Variants in RP1L1 observed in about 807,000 individuals in gnomAD.
The protein encoded by RP1L1 is retinitis pigmentosa 1-like 1 protein.
RP1L1 carries 27 observed loss-of-function variants against 15.7 expected under a neutral mutation model. The observed-to-expected ratio is 1.72, with a 90% CI of 1.27 to 2.38. The LOEUF (loss-of-function observed/expected upper bound fraction) is 2.38. Ranked by LOEUF, RP1L1 falls within the 30% of genes most tolerant of loss-of-function variation. RP1L1 has a pLI of 0.00. For synonymous variants in RP1L1, 1,813 were observed against 1,276.7 expected (o/e 1.42, Z -8.96); for missense variants, 4,798 against 3,075.9 (o/e 1.56, Z -13.24).
At chr8:10,635,412 C>T (rs2117248555) in intron 1 of RP1L1, among the ~76,000 whole-genome samples, 1 of 152,352 alleles carries the variant, frequency 6.6e-6, no homozygotes, top group Admixed American at 6.5e-5. Context: ...GATCCAACGC[C>T]TCATGCACTT....
At chr8:10,634,056 A>T (rs1286936992) in intron 1 of RP1L1, among the ~76,000 whole-genome samples, 1 of 152,154 alleles carries the variant, frequency 6.6e-6, no homozygotes, top group Non-Finnish European at 1.5e-5. Context: ...CTCAGCTCCT[A>T]CAACAAGGCA....
chr8:10,609,836 G>C lies in RP1L1; in HGVS notation c.4262C>G (p.Ser1421Cys). The change falls in exon 4 of 4, where the codon TCC (serine) becomes TGC (cysteine). Residue 1421 changes from serine to cysteine, a missense_variant. Physicochemically the swap from Ser to Cys is moderately radical, Grantham distance 112 (BLOSUM62 -1). Coordinates refer to ENST00000382483, the MANE Select transcript of RP1L1 (RefSeq NM_178857.6). The stretch of plus-strand genomic sequence containing the variant: ...CTCCTGGACTGGGTCATCTTCCTGG[G>C]AGCCTTTCCCATCCGGAGAGCTGGC... ...SEASSPDGKG[S>C]QEDDPVQEEE... 2.5e-6 allele frequency: 4 copies of C among 1,614,114 alleles called. No individual in the cohort carries two copies. In the East Asian group the frequency reaches 8.9e-5, roughly 36 times the overall value.
Position 10,610,472 on chromosome 8 carries a change from C to G in RP1L1, c.3626G>C (p.Gly1209Ala), listed in dbSNP as rs773704226. The G allele has an allele frequency of 3.7e-6, 6 of 1,613,774 alleles. No individual in the cohort carries two copies. The highest frequency in any genetic ancestry group is 1.3e-5 in the African/African-American group (1 of 75,052). The change falls in exon 4 of 4, where the codon GGC (glycine) becomes GCC (alanine). Residue 1209 changes from glycine to alanine, a missense_variant. Coordinates refer to ENST00000382483, the MANE Select transcript of RP1L1 (RefSeq NM_178857.6). ...ACAGGGTACGCTACTCTCCCCTGAG[C>G]CTCCAGAGCCGCTGCTGATGTCCAC... ...SGVDISSGSG[G>A]SGESSVPCAM...
chr8:10,617,886 T>C (rs912835505), intron 2 of RP1L1, among the ~76,000 whole-genome samples: 2 of 152,176 alleles, frequency 1.3e-5, no homozygotes, highest in African/African-American at 4.8e-5. Context: ...CGAGGTCCAT[T>C]TCTTCTTTGA....
intron 1 of RP1L1, among the ~76,000 whole-genome samples, chr8:10,632,606 T>C (rs1798269075): frequency 1.3e-5 from 2 of 152,216 alleles, no homozygotes; most frequent in Admixed American, 1.3e-4. Context: ...ACACGCCTTA[T>C]TTCTCCCGCT....
At position 10,607,323 on chromosome 8, in the gene RP1L1, C is replaced by T. The variant is rs1414642476; in HGVS notation, c.6775G>A (p.Asp2259Asn). Residue 2259 changes from aspartate (D) to asparagine (N), a missense_variant, in exon 4 of 4, where the codon GAT becomes AAT. Asp to Asn is a conservative substitution (Grantham distance 23). Transcript: ENST00000382483. ...KKGSPQVSLG[D>N]GQSEEASESS... ...TCAGAAGCCTCCTCAGATTGGCCATCTCCTAGACTGACCTGAGGGCTCCCC... is the reference window on the plus strand; with the variant it reads ...TCAGAAGCCTCCTCAGATTGGCCATTTCCTAGACTGACCTGAGGGCTCCCC... 9 of 1,614,120 alleles carry T rather than the reference C, an allele frequency of 5.6e-6. No individual in the cohort carries two copies. The highest frequency in any genetic ancestry group is 1.3e-5 in the African/African-American group (1 of 74,942).
chr8:10,647,471 A>G (rs1798496363), intron 1 of RP1L1, among the ~76,000 whole-genome samples: 1 of 151,684 alleles, frequency 6.6e-6, no homozygotes, highest in Admixed American at 6.6e-5. Context: ...GAAGCCCTGG[A>G]CCCTTTGCAC....
At position 10,609,602 on chromosome 8, in the gene RP1L1, G is replaced by A; in HGVS notation, c.4496C>T (p.Ala1499Val). 2 of 1,606,446 alleles carry A rather than the reference G, an allele frequency of 1.2e-6. No homozygotes were observed. Among genetic ancestry groups the A allele is most frequent in the South Asian group, 2.2e-5 (2 of 91,028 alleles). ...EHTQAQPTQG[A>V]AERSSSVACS... ...GGCCACCGAAGAGCTCCTCTCTGCA[G>A]CCCCCTGGGTGGGTTGGGCCTGCGT... The change falls in exon 4 of 4, where the codon GCT becomes GTT. Residue 1499 changes from alanine (A) to valine (V), a missense_variant. Coordinates refer to ENST00000382483, the MANE Select transcript of RP1L1 (RefSeq NM_178857.6).
Position 10,610,252 on chromosome 8 carries a change from C to T in RP1L1, c.3846G>A (p.Glu1282=), listed in dbSNP as rs1797819081. 1 of 1,614,172 alleles carries T rather than the reference C, an allele frequency of 6.2e-7. No homozygotes were observed. Among genetic ancestry groups the T allele is most frequent in the Non-Finnish European group, 8.5e-7 (1 of 1,180,036 alleles). ...NEDEAERDSE[E]QRASSNLEQL... Reference sequence around the variant, plus strand: ...GCTCCAGGTTCGAGCTCGCCCTCTGCTCCTCACTGTCTCTTTCTGCTTCAT... The same window carrying T: ...GCTCCAGGTTCGAGCTCGCCCTCTGTTCCTCACTGTCTCTTTCTGCTTCAT... The change falls in exon 4 of 4, where the codon GAG becomes GAA. Residue 1282 remains glutamate, a synonymous_variant. Transcript: ENST00000382483.
At chr8:10,636,740 C>G (rs1237876044) in intron 1 of RP1L1, among the ~76,000 whole-genome samples, 1 of 152,238 alleles carries the variant, frequency 6.6e-6, no homozygotes, top group Non-Finnish European at 1.5e-5. Context: ...ATCAGACATG[C>G]TCTTCGCTGG....
At chr8:10,620,582 G>A (rs1798042223) in intron 2 of RP1L1, among the ~76,000 whole-genome samples, 1 of 152,144 alleles carries the variant, frequency 6.6e-6, no homozygotes, top group African/African-American at 2.4e-5. Context: ...CCCCAGCCTG[G>A]GTGACAAGAG....
Position 10,613,115 on chromosome 8 carries a change from C to G in RP1L1, c.983G>C (p.Arg328Pro). The G allele has an allele frequency of 8.1e-6, 13 of 1,613,938 alleles. No individual in the cohort carries two copies. The highest frequency in any genetic ancestry group is 1.1e-5 in the Non-Finnish European group (13 of 1,180,034). The change falls in exon 4 of 4, where the codon CGC (arginine) becomes CCC (proline). Residue 328 changes from arginine to proline, a missense_variant. Transcript: ENST00000382483. ...DGSLSVEMKV[R>P]FHLVGEDTLL... ...CGTGTCCTCGCCGACCAGGTGGAAG[C>G]GGACTTTCATCTCCACGGACAGGCT...
At chr8:10,616,769 G>C (rs868426687) in intron 2 of RP1L1, among the ~76,000 whole-genome samples, 182 bp from the exon 3 acceptor site, 1 of 152,292 alleles carries the variant, frequency 6.6e-6, no homozygotes, top group African/African-American at 2.4e-5. Flanking sequence ...ACTAGCTGGA[G>C]GCTGAGGTCC....
At chr8:10,640,570 T>C (rs922300626) in intron 1 of RP1L1, among the ~76,000 whole-genome samples, 48 of 151,814 alleles carry the variant, frequency 3.2e-4, no homozygotes, top group African/African-American at 1.1e-3. Context: ...GGAGAATCAC[T>C]TGAACCCAGC....
rs953261605 is a variant in RP1L1, at chr8:10,618,405, G to A, written c.610-1818C>T. On this transcript the variant is annotated intron_variant, in intron 2 of 3. Transcript: ENST00000382483. ...CGCCTGTAATCCTAGCTACTTGGGA[G>A]GCTGAGGCAGAGAATTGCTTCAACC... Among the ~76,000 whole-genome samples the A allele has an allele frequency of 2.6e-5, 4 of 152,190 alleles. No homozygotes were observed. In the East Asian group the frequency reaches 7.7e-4, roughly 29 times the overall value.
chr8:10,642,289 G>T (rs1037750324), intron 1 of RP1L1, among the ~76,000 whole-genome samples: 6 of 152,120 alleles, frequency 3.9e-5, no homozygotes, highest in African/African-American at 1.4e-4. Flanking sequence ...TATTTTGGGG[G>T]ACTGCAATAG....
At chr8:10,614,040 T>C (rs531404460) in intron 3 of RP1L1, among the ~76,000 whole-genome samples, 1 of 152,320 alleles carries the variant, frequency 6.6e-6, no homozygotes, top group South Asian at 2.1e-4. Flanking sequence ...TCCTTTATAG[T>C]TGCTAGCACA....
chr8:10,641,382 A>G (rs547810516), intron 1 of RP1L1, among the ~76,000 whole-genome samples: 6 of 152,340 alleles, frequency 3.9e-5, no homozygotes, highest in South Asian at 2.1e-4. Flanking sequence ...CCTTGTATCA[A>G]TGAGAAATAA....
In RP1L1 at chr8:10,622,845, TGGCC is replaced by T; in HGVS notation, c.353_356del (p.Arg118HisfsTer38). ...GCTGAGCAGTGGGGTTTCTCTCCTG[TGGCC>T]GGCCTGGTCCACTGGGGGTCTTGGG... On this transcript the variant is annotated frameshift_variant, in exon 2 of 4. Transcript: ENST00000382483. LOFTEE classifies it high-confidence loss of function. 1 of 1,612,970 alleles carries T rather than the reference TGGCC, an allele frequency of 6.2e-7. No homozygotes were observed. The highest frequency in any genetic ancestry group is 8.5e-7 in the Non-Finnish European group (1 of 1,179,232).
Sources: allele counts gnomAD v4.1 joint callset (sites outside exome capture counted in the v4.1 genomes callset), GRCh38; gene constraint gnomAD v4.1.1; transcripts MANE v1.5; gene names NCBI Gene and HGNC (gene_info 2026-07-23, HGNC 2026-07-21).